The following AMPD1 variants were observed in gnomAD, a reference collection of about 807,000 sequenced individuals.
AMPD1 encodes AMP deaminase 1.
A neutral mutation model predicts 82.9 loss-of-function variants in AMPD1; 74 were observed. That is an observed-to-expected ratio of 0.89 (90% confidence interval 0.74 to 1.08). The LOEUF is 1.08. Ranked by LOEUF, AMPD1 falls within the 50% of genes least tolerant of loss-of-function variation. The pLI, the probability that AMPD1 is intolerant of heterozygous loss-of-function variation, is 0.00. For missense variants in AMPD1, 881 were observed against 924.5 expected, an observed-to-expected ratio of 0.95 and a Z score of 0.61; for synonymous variants, 333 against 320.5, an observed-to-expected ratio of 1.04 and a Z score of -0.42.
rs1484367302 is a variant in AMPD1 at position 114,675,559 on chromosome 1, TG to T, written c.1649del (p.Ala550GlufsTer9). 1.9e-6 allele frequency: 3 copies of T among 1,614,234 alleles called. No homozygotes were observed. Among genetic ancestry groups the T allele is most frequent in the Non-Finnish European group, 2.5e-6 (3 of 1,180,022 alleles). On this transcript the variant is annotated frameshift_variant, in exon 12 of 16. Transcript: ENST00000520113. LOFTEE classifies it high-confidence loss of function. ...TCAGGCTGTTGAGCACCATGATGTT[TG>T]CATACATGTAGTAGGCATAGTAAGT... ...SYTYYAYYMY[A>X]NIMVLNSLRK...
intron 6 of AMPD1, 42 bp downstream of exon 6, chr1:114,680,217 G>A: frequency 6.6e-7 from 1 of 1,519,816 alleles, no homozygotes; most frequent in Non-Finnish European, 9.1e-7. Flanking sequence ...TTTAGGTCTT[G>A]TAGTACTAGT....
intron 1 of AMPD1, 132 bp from the exon 2 acceptor site, chr1:114,693,579 C>T: frequency 1.3e-6 from 1 of 772,692 alleles, no homozygotes; most frequent in Non-Finnish European, 2.3e-6. Context: ...AGCTTGTCTA[C>T]AGTTTTCTGC....
At chr1:114,685,886 C>T (rs191572526) in intron 4 of AMPD1, among the ~76,000 whole-genome samples, 253 of 152,184 alleles carry the variant, frequency 1.7e-3, no homozygotes, top group African/African-American at 5.8e-3. Context: ...ATTTAATTGC[C>T]TTGTCACTTT....
At chr1:114,688,291 C>T (rs1176727794) in intron 3 of AMPD1, among the ~76,000 whole-genome samples, 2 of 152,114 alleles carry the variant, frequency 1.3e-5, no homozygotes, top group African/African-American at 4.8e-5. Flanking sequence ...CAGTGCCTGG[C>T]TAATTTTTGT....
At chr1:114,687,011 A>G in intron 3 of AMPD1, 101 bp from the exon 4 acceptor site, 1 of 1,323,448 alleles carries the variant, frequency 7.6e-7, no homozygotes, top group Non-Finnish European at 1.1e-6. Context: ...TGAGGACAAA[A>G]AGTAAAAATT....
At chr1:114,678,302 G>A (rs756011257) in intron 8 of AMPD1, 31 bp downstream of exon 8, 2 of 1,607,078 alleles carry the variant, frequency 1.2e-6, no homozygotes, top group Non-Finnish European at 1.7e-6. Flanking sequence ...CTGAGTATTA[G>A]AGTGAAACTG....
chr1:114,694,443 T>A lies in AMPD1; in HGVS notation c.23-996A>T, dbSNP rs970125276. Among the ~76,000 whole-genome samples the A allele has an allele frequency of 2.8e-4, 42 of 151,486 alleles. No homozygotes were observed. In the Middle Eastern group the frequency reaches 0.01, roughly 37 times the overall value. On this transcript the variant is annotated intron_variant, in intron 1 of 15. Coordinates refer to ENST00000520113, the MANE Select transcript of AMPD1 (RefSeq NM_000036.3). ...TGTGCAATATAATAACAGTGCCTTT[T>A]TAAAAAAAACTCTTTAATTTTACAC...
chr1:114,678,041 C>G lies in AMPD1; in HGVS notation c.1093G>C (p.Gly365Arg). 1 of 1,613,736 alleles carries G rather than the reference C, an allele frequency of 6.2e-7. No homozygotes were observed. The highest frequency in any genetic ancestry group is 8.5e-7 in the Non-Finnish European group (1 of 1,179,978). ...TCAAAACGCTGGAAGGTCTGGCGTC[C>G]CTGAATCAGGAAAAAAGAGCAGAGA... ...LTVDSLDVHA[G>R]RQTFQRFDKF... The change falls in exon 9 of 16, where the codon GGA becomes CGA. Residue 365 changes from glycine (G) to arginine (R), a missense_variant and splice_region_variant. Coordinates refer to ENST00000520113, the MANE Select transcript of AMPD1 (RefSeq NM_000036.3).
intron 1 of AMPD1, among the ~76,000 whole-genome samples, chr1:114,694,140 C>A (rs191968644): frequency 1.2e-4 from 18 of 151,860 alleles, no homozygotes. Flanking sequence ...GGCATGAACC[C>A]GGGAGGTGGA....
At chr1:114,677,635 C>T (rs1658028336) in intron 9 of AMPD1, 121 bp from the exon 10 acceptor site, 1 of 1,381,082 alleles carries the variant, frequency 7.2e-7, no homozygotes, top group Non-Finnish European at 1.0e-6. Flanking sequence ...GGTCCTTAAT[C>T]AATCTCAAAA....
At chr1:114,675,388 A>C (rs1047531832) in intron 12 of AMPD1, 142 bp downstream of exon 12, 9 of 886,156 alleles carry the variant, frequency 1.0e-5, no homozygotes, top group Admixed American at 8.1e-5. Flanking sequence ...TGAAGAAAAA[A>C]GTTAAGAGAA....
At chr1:114,675,779 G>T in intron 11 of AMPD1, 86 bp from the exon 12 acceptor site, 1 of 1,613,112 alleles carries the variant, frequency 6.2e-7, no homozygotes, top group South Asian at 1.1e-5. Context: ...CAAAGGCACA[G>T]ACCAAACATA....
intron 2 of AMPD1, among the ~76,000 whole-genome samples, chr1:114,691,136 T>C (rs1658503443): frequency 6.6e-6 from 1 of 152,208 alleles, no homozygotes; most frequent in African/African-American, 2.4e-5. Flanking sequence ...AAGAAGCAGC[T>C]TACATGATGA....
Position 114,677,469 on chromosome 1 carries a change from G to A in AMPD1, c.1270C>T (p.Pro424Ser), listed in dbSNP as rs1217847441. The change falls in exon 10 of 16, where the codon CCC (proline) becomes TCC (serine). Residue 424 changes from proline to serine, a missense_variant. This residue lies in a region of AMPD1 where 783 missense variants were observed against 786.4 expected (regional missense o/e 1.00). Coordinates refer to ENST00000520113, the MANE Select transcript of AMPD1 (RefSeq NM_000036.3). ...LVEAKYQHAEPRLSIYGRSPD... is the reference protein window; with the variant it reads ...LVEAKYQHAESRLSIYGRSPD... ...CTGCGGCCATAGATGGACAGGCGGG[G>A]CTCAGCATGCTGGTACTTGGCCTCC... 1 of 1,613,328 alleles carries A rather than the reference G, an allele frequency of 6.2e-7. No individual in the cohort carries two copies. The highest frequency in any genetic ancestry group is 8.5e-7 in the Non-Finnish European group (1 of 1,179,888).
At chr1:114,677,583 G>T in intron 9 of AMPD1, 69 bp from the exon 10 acceptor site, 1 of 1,587,710 alleles carries the variant, frequency 6.3e-7, no homozygotes, top group Non-Finnish European at 8.6e-7. Context: ...AGGGAGAGGA[G>T]ATTCCCTTTC....
intron 2 of AMPD1, among the ~76,000 whole-genome samples, chr1:114,689,913 G>T (rs1350250990): frequency 6.6e-6 from 1 of 152,174 alleles, no homozygotes; most frequent in Non-Finnish European, 1.5e-5. Flanking sequence ...CAGATCCTCA[G>T]TGTTTTCTGT....
intron 13 of AMPD1, among the ~76,000 whole-genome samples, chr1:114,674,322 A>G (rs556518206): frequency 6.6e-6 from 1 of 152,352 alleles, no homozygotes; most frequent in Admixed American, 6.5e-5. Flanking sequence ...TATTTGATCT[A>G]TAATGGCCTA....
At chr1:114,679,357 T>A (rs973337247) in intron 7 of AMPD1, among the ~76,000 whole-genome samples, 3 of 152,208 alleles carry the variant, frequency 2.0e-5, no homozygotes, top group African/African-American at 7.2e-5. Context: ...ATAACTATAA[T>A]TTTTTGTGCC....
intron 3 of AMPD1, 88 bp from the exon 4 acceptor site, chr1:114,686,998 T>TTTTG: frequency 7.1e-7 from 1 of 1,411,476 alleles, no homozygotes. Context: ...TACAATTTTA[T>TTTTG]TCTGAGGACA....
Sources: allele counts gnomAD v4.1 joint callset (sites outside exome capture counted in the v4.1 genomes callset), GRCh38; gene constraint gnomAD v4.1.1; regional missense constraint gnomAD v4.1.1; transcripts MANE v1.5; gene names NCBI Gene and HGNC (gene_info 2026-07-23, HGNC 2026-07-21).